PIK3C2B: variants seen among roughly 807,000 people sequenced by gnomAD.
PIK3C2B encodes the protein phosphatidylinositol-4-phosphate 3-kinase catalytic subunit type 2 beta, also known as phosphatidylinositol 4-phosphate 3-kinase C2 domain-containing subunit beta.
A neutral mutation model predicts 184.3 loss-of-function variants in PIK3C2B; 83 were observed. The ratio of observed to expected loss-of-function variants is 0.45; its 90% CI spans 0.38 to 0.54. The LOEUF is 0.54. Among genes scored for constraint, PIK3C2B ranks in the 20% least tolerant of loss-of-function variants. The pLI is 0.00. For missense variants in PIK3C2B, 1,736 were observed against 2,113.5 expected (o/e 0.82, Z 3.50); for synonymous variants, 779 against 837.6 (o/e 0.93, Z 1.21).
At chr1:204,490,661 T>G (rs985940016) in intron 1 of PIK3C2B, among the ~76,000 whole-genome samples, 1 of 151,930 alleles carries the variant, frequency 6.6e-6, no homozygotes, top group Non-Finnish European at 1.5e-5. Context: ...AGGTGGCTCA[T>G]GCCCGTAATC....
chr1:204,452,401 C>CT (rs1558252210), intron 12 of PIK3C2B, among the ~76,000 whole-genome samples: 1 of 141,412 alleles, frequency 7.1e-6, no homozygotes. Context: ...CCTCAGCCTC[C>CT]TAAGTAGCTG....
chr1:204,468,939 G>A lies in PIK3C2B; in HGVS notation c.864C>T (p.Thr288=), dbSNP rs1001635646. The A allele has an allele frequency of 1.2e-6, 2 of 1,612,816 alleles. No individual in the cohort carries two copies. The highest frequency in any genetic ancestry group is 1.3e-5 in the African/African-American group (1 of 74,914). The change falls in exon 2 of 33, where the codon ACC becomes ACT. Residue 288 remains threonine (T), a synonymous_variant. Coordinates refer to ENST00000684373, the MANE Select transcript of PIK3C2B (RefSeq NM_001377334.1). ...TTCGGTTGCCATAGCGGGAGGCATA[G>A]GTGCGGGGGGGCACCTGAGGGGGCA... ...KTMPPQVPPR[T]YASRYGNRKN...
intron 1 of PIK3C2B, among the ~76,000 whole-genome samples, chr1:204,492,727 C>T (rs1311835622): frequency 6.6e-6 from 1 of 152,160 alleles, no homozygotes; most frequent in Non-Finnish European, 1.5e-5. Flanking sequence ...CCCAGCACAC[C>T]CCCTTGGCCC....
chr1:204,425,118 G>T, intron 32 of PIK3C2B, 78 bp from the exon 33 acceptor site: 2 of 1,226,276 alleles, frequency 1.6e-6, no homozygotes, highest in Non-Finnish European at 2.3e-6. Flanking sequence ...AGAGGGAGAT[G>T]GTAAAGTCTG....
rs1363963413 is a variant in PIK3C2B at position 204,449,312 on chromosome 1, A to G, written c.2235-16T>C. Reference sequence around the variant, plus strand: ...GGTCAGGACCCTAAGAAGGAGGGAGAGTGGGAAGAGCTGCTAAAGTGGCTA... The same window carrying G: ...GGTCAGGACCCTAAGAAGGAGGGAGGGTGGGAAGAGCTGCTAAAGTGGCTA... On this transcript the variant is annotated splice_polypyrimidine_tract_variant and intron_variant, in intron 13 of 32. Transcript: ENST00000684373. 1 of 1,581,306 alleles carries G rather than the reference A, an allele frequency of 6.3e-7. No homozygotes were observed. The highest frequency in any genetic ancestry group is 8.6e-7 in the Non-Finnish European group (1 of 1,156,208).
chr1:204,480,889 G>A (rs1454564087), intron 1 of PIK3C2B, among the ~76,000 whole-genome samples: 2 of 152,094 alleles, frequency 1.3e-5, no homozygotes, highest in Non-Finnish European at 2.9e-5. Context: ...CTGTGCCATC[G>A]TGGTGTTCCT....
At position 204,452,122 on chromosome 1, in the gene PIK3C2B, G is replaced by A. The variant is rs1052721622; in HGVS notation, c.2067-2105C>T. On this transcript the variant is annotated intron_variant, in intron 12 of 32. Coordinates refer to ENST00000684373, the MANE Select transcript of PIK3C2B (RefSeq NM_001377334.1). ...TGCAAGATAGTGCCCTTCACAAGGC[G>A]CTAGGCAGGGGACTGCCCCTTTAAA... Among the ~76,000 whole-genome samples the A allele has an allele frequency of 3.3e-5, 5 of 152,104 alleles. No homozygotes were observed. In the South Asian group the frequency reaches 8.3e-4, roughly 25 times the overall value.
intron 1 of PIK3C2B, among the ~76,000 whole-genome samples, chr1:204,481,534 G>A (rs1263635612): frequency 1.3e-5 from 2 of 152,158 alleles, no homozygotes; most frequent in African/African-American, 2.4e-5. Context: ...TGGGATTACA[G>A]GCATGAGCCA....
chr1:204,449,801 C>G, intron 13 of PIK3C2B, 49 bp downstream of exon 13: 1 of 1,510,462 alleles, frequency 6.6e-7, no homozygotes, highest in Non-Finnish European at 8.9e-7. Context: ...TTCTCTGTCC[C>G]CCTCCTCCCC....
In PIK3C2B at chr1:204,424,797, C is replaced by T; in HGVS notation, c.*55G>A. ...AGGAGGAGTCTCACAGGGGAGAGTC[C>T]TCTCCCCCAGCTCCTGCCACCAGCC... On this transcript the variant is annotated 3_prime_UTR_variant, in exon 33 of 33. Coordinates refer to ENST00000684373, the MANE Select transcript of PIK3C2B (RefSeq NM_001377334.1). 3 of 1,575,084 alleles carry T rather than the reference C, an allele frequency of 1.9e-6. No homozygotes were observed. The highest frequency in any genetic ancestry group is 2.2e-5 in the South Asian group (2 of 90,194).
chr1:204,428,718 G>A (rs1674878669), intron 29 of PIK3C2B, among the ~76,000 whole-genome samples: 1 of 152,038 alleles, frequency 6.6e-6, no homozygotes, highest in Non-Finnish European at 1.5e-5. Context: ...CCTAACCTCA[G>A]GTGATCCACC....
At chr1:204,444,877 G>A (rs1653718095) in intron 16 of PIK3C2B, among the ~76,000 whole-genome samples, 1 of 152,202 alleles carries the variant, frequency 6.6e-6, no homozygotes, top group Non-Finnish European at 1.5e-5. Context: ...ATAAACCTTG[G>A]CAGAATTAGT....
chr1:204,435,580 T>C (rs1675299330), intron 23 of PIK3C2B: 1 of 152,176 alleles, frequency 6.6e-6, no homozygotes, highest in African/African-American at 2.4e-5. Flanking sequence ...GTCCCATAAC[T>C]TTCCAGACCT....
Sources: gnomAD v4.1 joint callset for allele counts (sites outside exome capture counted in the v4.1 genomes callset) on GRCh38, gnomAD v4.1.1 for gene constraint, MANE v1.5 for transcripts, NCBI Gene and HGNC (gene_info 2026-07-23, HGNC 2026-07-21) for gene names.